The following HDAC4 variants were observed in gnomAD, a reference collection of about 807,000 sequenced individuals.
HDAC4 encodes the protein histone deacetylase 4.
In HDAC4, 16 loss-of-function variants were observed where a neutral mutation model predicts 135.1. The ratio of observed to expected loss-of-function variants is 0.12; its 90% confidence interval spans 0.08 to 0.18. The LOEUF is 0.18. Ranked by LOEUF, HDAC4 falls within the 10% of genes least tolerant of loss-of-function variation. HDAC4 has a pLI of 1.00. For missense variants in HDAC4, 1,143 were observed against 1,511.8 expected (o/e 0.76, Z 4.05); for synonymous variants, 685 against 653.4 (o/e 1.05, Z -0.74).
intron 3 of HDAC4, among the ~76,000 whole-genome samples, chr2:239,228,821 C>A (rs2047386489): frequency 6.6e-6 from 1 of 152,140 alleles, no homozygotes; most frequent in African/African-American, 2.4e-5. Context: ...GAGGGCGCAG[C>A]TTCTGGTCCA....
rs186151714 is a variant in HDAC4 at position 239,146,125 on chromosome 2, C to G, written c.734-1411G>C. On this transcript the variant is annotated intron_variant, in intron 7 of 26. Coordinates refer to ENST00000543185, the MANE Select transcript of HDAC4 (RefSeq NM_001378414.1). This position sits in a 1 kb window ranked among gnomAD's most constrained non-coding sequence, Gnocchi z 4.5. ...AGCCGGCCTCTCCACGGGCTACTGACGAGGGCACACTTCTGTGCCTAACAC... is the reference window on the plus strand; with the variant it reads ...AGCCGGCCTCTCCACGGGCTACTGAGGAGGGCACACTTCTGTGCCTAACAC... Among the ~76,000 whole-genome samples the G allele has an allele frequency of 6.6e-6, 1 of 152,192 alleles. No homozygotes were observed. Among genetic ancestry groups the G allele is most frequent in the Admixed American group, 6.5e-5 (1 of 15,282 alleles).
chr2:239,163,469 C>T (rs1247333676), intron 6 of HDAC4, among the ~76,000 whole-genome samples: 3 of 152,136 alleles, frequency 2.0e-5, no homozygotes, highest in Non-Finnish European at 2.9e-5. Context: ...GGAGGGGGGC[C>T]CACCCCGTGA....
chr2:239,293,929 C>T (rs1028338325), intron 2 of HDAC4, among the ~76,000 whole-genome samples: 12 of 152,244 alleles, frequency 7.9e-5, no homozygotes, highest in African/African-American at 2.9e-4. Context: ...CCTGTTAGGG[C>T]CCTAGAACTC....
Position 239,262,840 on chromosome 2 carries a change from G to A in HDAC4, c.23-26176C>T, listed in dbSNP as rs2125114524. On this transcript the variant is annotated intron_variant, in intron 2 of 26. Coordinates refer to ENST00000543185, the MANE Select transcript of HDAC4 (RefSeq NM_001378414.1). The surrounding 1 kb of genome is among the most constrained non-coding windows in gnomAD (Gnocchi z 4.1). ...TCTGGGATCCACCCAGCAGCTCTTG[G>A]AAAAGCTGGTGCCCTGGTGAGCAGG... 6.6e-6 allele frequency among the ~76,000 whole-genome samples: 1 copy of A among 152,322 alleles called. No individual in the cohort carries two copies. Among genetic ancestry groups the A allele is most frequent in the African/African-American group, 2.4e-5 (1 of 41,586 alleles).
At chr2:239,279,209 A>C (rs907157751) in intron 2 of HDAC4, among the ~76,000 whole-genome samples, 10 of 152,354 alleles carry the variant, frequency 6.6e-5, no homozygotes, top group African/African-American at 1.7e-4. Flanking sequence ...TGTTTCTCCC[A>C]GGAGACTCTG....
intron 5 of HDAC4, among the ~76,000 whole-genome samples, chr2:239,165,682 C>G (rs1442121171): frequency 1.3e-5 from 2 of 152,220 alleles, no homozygotes; most frequent in Admixed American, 6.5e-5. Context: ...GAGGTTGGCT[C>G]AGTTACCAAG....
At chr2:239,401,195 C>T (rs1390656317), upstream of HDAC4, among the ~76,000 whole-genome samples, 1 of 151,732 alleles carries the variant, frequency 6.6e-6, no homozygotes, top group Non-Finnish European at 1.5e-5. Flanking sequence ...CTCCCGCCCG[C>T]CCGCCCCGGG....
intron 4 of HDAC4, among the ~76,000 whole-genome samples, chr2:239,187,535 T>G (rs916466524): frequency 6.6e-6 from 1 of 152,218 alleles, no homozygotes; most frequent in Non-Finnish European, 1.5e-5. Flanking sequence ...GGCATGCACC[T>G]GTTTCCTGCA....
At chr2:239,082,262 A>T in intron 20 of HDAC4, 41 bp from the exon 21 acceptor site, 5 of 1,613,918 alleles carry the variant, frequency 3.1e-6, no homozygotes, top group Non-Finnish European at 4.2e-6. Flanking sequence ...TGAGGCAGGT[A>T]TTGGAGGGTG....
intron 16 of HDAC4, among the ~76,000 whole-genome samples, chr2:239,096,665 C>T (rs1177348419): frequency 1.5e-5 from 1 of 68,474 alleles, no homozygotes; most frequent in Non-Finnish European, 2.8e-5. Context: ...TGATGCCCAC[C>T]CCCCCCATGG....
chr2:239,099,006 G>A (rs571784732), intron 16 of HDAC4, among the ~76,000 whole-genome samples: 2 of 152,196 alleles, frequency 1.3e-5, no homozygotes, highest in African/African-American at 2.4e-5. Flanking sequence ...GGTTGCCTTC[G>A]GAGAACAGGA....
intron 3 of HDAC4, among the ~76,000 whole-genome samples, chr2:239,225,601 A>G (rs1031532466): frequency 1.3e-5 from 2 of 152,208 alleles, no homozygotes; most frequent in African/African-American, 4.8e-5. Flanking sequence ...AAGGCGGGGA[A>G]GGCAGGTCGG....
intron 8 of HDAC4, among the ~76,000 whole-genome samples, chr2:239,142,727 G>A (rs2041476175): frequency 1.3e-5 from 2 of 151,186 alleles, no homozygotes; most frequent in African/African-American, 4.9e-5. Context: ...GGTGAGCTTA[G>A]CACTGATCAA....
Position 239,213,452 on chromosome 2 carries a change from C to T in HDAC4, c.94+23141G>A, listed in dbSNP as rs115485324. Among the ~76,000 whole-genome samples, 1,077 of 152,350 alleles carry T rather than the reference C, an allele frequency of 7.1e-3. 9 individuals carry two copies. Among genetic ancestry groups the T allele is most frequent in the Non-Finnish European group, 0.012 (827 of 68,034 alleles). ...ACTCACTGGAGGATTGAGCTCTCCA[C>T]AAGAAACTTCTGGACCCTACACAAA... On this transcript the variant is annotated intron_variant, in intron 3 of 26. Coordinates refer to ENST00000543185, the MANE Select transcript of HDAC4 (RefSeq NM_001378414.1).
At chr2:239,090,626 C>G (rs59188703) in intron 17 of HDAC4, among the ~76,000 whole-genome samples, 6 of 147,198 alleles carry the variant, frequency 4.1e-5, no homozygotes, top group African/African-American at 1.2e-4. Flanking sequence ...CTGGGTAACA[C>G]AGTGAGGCTC....
intron 1 of HDAC4, among the ~76,000 whole-genome samples, chr2:239,395,734 C>G (rs1019493629): frequency 7.9e-5 from 12 of 152,154 alleles, no homozygotes; most frequent in Non-Finnish European, 1.3e-4. Flanking sequence ...TGCCTGTCTA[C>G]ACATGGAGGA....
At chr2:239,357,888 CAAAAAAAAAAAAAAAAAAAAA>C (rs71043188) in intron 1 of HDAC4, among the ~76,000 whole-genome samples, 723 of 55,728 alleles carry the variant, frequency 0.013, 27 homozygotes, top group African/African-American at 0.06. Flanking sequence ...GCCTCTGTTC[CAAAAAAAAAAAAAAAAAAAAA>C]AAAAAAAAGA....
chr2:239,370,218 C>T (rs901589408), intron 1 of HDAC4, among the ~76,000 whole-genome samples: 9 of 152,158 alleles, frequency 5.9e-5, no homozygotes, highest in African/African-American at 1.2e-4. Flanking sequence ...TAGCCATGGG[C>T]CACCAACAAC....
intron 7 of HDAC4, among the ~76,000 whole-genome samples, chr2:239,149,685 C>T (rs988690627): frequency 1.3e-5 from 2 of 152,172 alleles, no homozygotes; most frequent in African/African-American, 4.8e-5. Context: ...CAGCCACCCT[C>T]GACTTTGAAG....
Sources: allele counts gnomAD v4.1 joint callset (sites outside exome capture counted in the v4.1 genomes callset), GRCh38; gene constraint gnomAD v4.1.1; non-coding constraint Gnocchi (gnomAD v3.1); transcripts MANE v1.5; gene names NCBI Gene and HGNC (gene_info 2026-07-23, HGNC 2026-07-21).